Variants in CDH23 observed in about 807,000 individuals in gnomAD.
CDH23 encodes the protein cadherin-23.
A neutral mutation model predicts 317.1 loss-of-function variants in CDH23; 189 were observed. That is an observed-to-expected ratio of 0.60 (90% CI 0.53 to 0.67). The LOEUF (loss-of-function observed/expected upper bound fraction) is 0.67, where lower values mean the gene tolerates loss of function less well. Ranked by LOEUF, CDH23 falls within the 30% of genes least tolerant of loss-of-function variation. The pLI is 0.00. For synonymous variants in CDH23, 1,839 were observed against 1,876.8 expected, an observed-to-expected ratio of 0.98 and a Z score of 0.52; for missense variants, 4,401 against 4,592.4, an observed-to-expected ratio of 0.96 and a Z score of 1.20.
chr10:71,814,652 A>G lies in CDH23; in HGVS notation c.9739-300A>G, dbSNP rs999448107. Reference sequence around the variant, plus strand: ...ACTCTGTCTACACACACATACACACACACACACACAATTTTCACAAGAAGC... The same window carrying G: ...ACTCTGTCTACACACACATACACACGCACACACACAATTTTCACAAGAAGC... On this transcript the variant is annotated intron_variant, in intron 69 of 69. Transcript: ENST00000224721. Among the ~76,000 whole-genome samples the G allele has an allele frequency of 7.3e-5, 11 of 150,516 alleles. No homozygotes were observed. In the Admixed American group the frequency reaches 7.3e-4, roughly 10 times the overall value.
chr10:71,464,618 G>T, intron 3 of CDH23, among the ~76,000 whole-genome samples: 1 of 151,642 alleles, frequency 6.6e-6, no homozygotes, highest in East Asian at 1.9e-4. Flanking sequence ...TGGATGACTT[G>T]CTGTCAGTTC....
At chr10:71,456,268 G>A (rs1850690121) in intron 3 of CDH23, among the ~76,000 whole-genome samples, 1 of 151,234 alleles carries the variant, frequency 6.6e-6, no homozygotes, top group African/African-American at 2.4e-5. Context: ...GGCTCTTGGT[G>A]CCCTCACAGA....
chr10:71,520,905 C>T (rs566901202), intron 6 of CDH23, among the ~76,000 whole-genome samples: 12 of 152,298 alleles, frequency 7.9e-5, no homozygotes, highest in African/African-American at 2.9e-4. Context: ...CTGCCTGACC[C>T]ACCTTGTTTT....
intron 9 of CDH23, among the ~76,000 whole-genome samples, chr10:71,595,868 C>T (rs1859804268): frequency 6.6e-6 from 1 of 152,228 alleles, no homozygotes; most frequent in Admixed American, 6.5e-5. Flanking sequence ...TGTCACACCC[C>T]AGCCACTTTC....
chr10:71,713,706 C>A, intron 28 of CDH23: 1 of 182,956 alleles, frequency 5.5e-6, no homozygotes, highest in Non-Finnish European at 1.2e-5. Flanking sequence ...AGCATACCCC[C>A]CTGGCCTGGT....
In CDH23 at chr10:71,503,136, C is replaced by T. The variant is rs142816364; in HGVS notation, c.146-6946C>T. 4.1e-3 allele frequency among the ~76,000 whole-genome samples: 625 copies of T among 152,344 alleles called. 3 individuals carry two copies. Among genetic ancestry groups the T allele is most frequent in the African/African-American group, 0.014 (595 of 41,586 alleles). ...GCAGATGTGGACTGCTGCTGAGGGC[C>T]GAGGCCACGGTGGAGGATGTGCCAC... On this transcript the variant is annotated intron_variant, in intron 3 of 69. Coordinates refer to ENST00000224721, the MANE Select transcript of CDH23 (RefSeq NM_022124.6).
At chr10:71,750,023 C>T (rs1466869514) in intron 38 of CDH23, 1 of 152,486 alleles carries the variant, frequency 6.6e-6, no homozygotes, top group Non-Finnish European at 1.5e-5. Flanking sequence ...CATGCTCAGG[C>T]ACTGCCTTCC....
intron 14 of CDH23, among the ~76,000 whole-genome samples, chr10:71,671,432 G>A (rs1864141877): frequency 1.3e-5 from 2 of 152,148 alleles, no homozygotes; most frequent in African/African-American, 4.8e-5. Flanking sequence ...TTTGCAGCAG[G>A]AAGAGGAAAT....
In CDH23 at chr10:71,690,594, C is replaced by G. The variant is rs770895044; in HGVS notation, c.2176+10C>G. The G allele has an allele frequency of 2.6e-6, 4 of 1,566,492 alleles. No individual in the cohort carries two copies. In the South Asian group the frequency reaches 4.7e-5, roughly 18 times the overall value. ...ATCAATGCCCGCTCAGGTGAGCCCCCCCACCCCAAGTACCCTGGTCCTCCA... is the reference window on the plus strand; with the variant it reads ...ATCAATGCCCGCTCAGGTGAGCCCCGCCACCCCAAGTACCCTGGTCCTCCA... On this transcript the variant is annotated intron_variant, in intron 20 of 69. Coordinates refer to ENST00000224721, the MANE Select transcript of CDH23 (RefSeq NM_022124.6).
At chr10:71,738,788 G>C in intron 35 of CDH23, 141 bp downstream of exon 35, 1 of 1,137,370 alleles carries the variant, frequency 8.8e-7, no homozygotes, top group Non-Finnish European at 1.2e-6. Context: ...CACCCAGTCT[G>C]TGGTCAGGGA....
chr10:71,656,608 C>T (rs1167892446), intron 14 of CDH23, among the ~76,000 whole-genome samples: 6 of 152,090 alleles, frequency 3.9e-5, no homozygotes, highest in Non-Finnish European at 7.4e-5. Flanking sequence ...CGGGGAGTGC[C>T]AGGGCTGGGG....
intron 38 of CDH23, chr10:71,742,133 C>G: frequency 1.7e-6 from 1 of 582,000 alleles, no homozygotes; most frequent in South Asian, 2.2e-5. Context: ...AGTTTGGCCT[C>G]CCGAGTCTAT....
chr10:71,714,569 G>T (rs1866127400), intron 28 of CDH23: 1 of 152,318 alleles, frequency 6.6e-6, no homozygotes, highest in Non-Finnish European at 1.5e-5. Flanking sequence ...ACAGTTAGTG[G>T]GTGACAGGTC....
At chr10:71,401,797 C>T (rs543424130) in intron 1 of CDH23, among the ~76,000 whole-genome samples, 6 of 152,242 alleles carry the variant, frequency 3.9e-5, no homozygotes, top group South Asian at 2.1e-4. Context: ...GTGCTGCTGG[C>T]GTGCTGCACA....
rs776838179 is a variant in CDH23, at chr10:71,668,443, A to G, written c.1450-6669A>G. ...CTCCCCCAGCCCCACCAAAGGGAGG[A>G]GCAAGGGAGGGGAGGTCTTAAGAGC... On this transcript the variant is annotated intron_variant, in intron 14 of 69. Transcript: ENST00000224721. Among the ~76,000 whole-genome samples, 3 of 152,190 alleles carry G rather than the reference A, an allele frequency of 2.0e-5. No individual in the cohort carries two copies. In the South Asian group the frequency reaches 6.2e-4, roughly 32 times the overall value.
At chr10:71,487,346 A>G (rs535863581) in intron 3 of CDH23, among the ~76,000 whole-genome samples, 6 of 152,298 alleles carry the variant, frequency 3.9e-5, no homozygotes, top group African/African-American at 1.4e-4. Flanking sequence ...AAATCCTCAT[A>G]TAACTTTTGA....
chr10:71,710,025 A>G (rs7072592), intron 27 of CDH23, among the ~76,000 whole-genome samples: 2,465 of 152,276 alleles, frequency 0.016, 72 homozygotes, highest in African/African-American at 0.056. Context: ...CCACGAGAAC[A>G]GTGTAGGAGA....
chr10:71,465,965 T>C lies in CDH23; in HGVS notation c.145+19570T>C, dbSNP rs1384599085. On this transcript the variant is annotated intron_variant, in intron 3 of 69. Transcript: ENST00000224721. ...GAGGAATAGGGTGTTTGGAAGGTGA[T>C]GTCTCAAAAGAGCCTGTGCGTCACC... Among the ~76,000 whole-genome samples, 4 of 152,308 alleles carry C rather than the reference T, an allele frequency of 2.6e-5. No individual in the cohort carries two copies. In the East Asian group the frequency reaches 7.7e-4, roughly 29 times the overall value.
intron 38 of CDH23, among the ~76,000 whole-genome samples, chr10:71,742,668 T>C (rs1005741494): frequency 2.2e-4 from 33 of 152,202 alleles, no homozygotes; most frequent in African/African-American, 7.0e-4. Flanking sequence ...GGAGATAATA[T>C]CTACCTCATA....
Sources: gnomAD v4.1 joint callset for allele counts (sites outside exome capture counted in the v4.1 genomes callset) on GRCh38, gnomAD v4.1.1 for gene constraint, MANE v1.5 for transcripts, NCBI Gene and HGNC (gene_info 2026-07-23, HGNC 2026-07-21) for gene names.